The following LHX2 variants were observed in gnomAD, a reference collection of about 807,000 sequenced individuals.
The protein encoded by LHX2 is LIM/homeobox protein Lhx2.
LHX2 carries 6 observed loss-of-function variants against 33.0 expected under a neutral mutation model. That is an observed-to-expected ratio of 0.18 (90% CI 0.10 to 0.36). The LOEUF (loss-of-function observed/expected upper bound fraction) is 0.36, where lower values mean the gene tolerates loss of function less well. LHX2 is among the 10% of genes least tolerant of loss of function. The pLI is 1.00. For missense variants in LHX2, 442 were observed against 586.2 expected (o/e 0.75, Z 2.54); for synonymous variants, 292 against 253.1 (o/e 1.15, Z -1.46).
intron 4 of LHX2, among the ~76,000 whole-genome samples, chr9:124,025,100 G>A (rs1828590149): frequency 6.6e-6 from 1 of 152,210 alleles, no homozygotes; most frequent in Admixed American, 6.5e-5. Context: ...CAGTGGGCAA[G>A]GTGACTAGGA....
Position 124,015,633 on chromosome 9 carries a change from T to A in LHX2, c.727+108T>A. On this transcript the variant is annotated intron_variant, in intron 3 of 4. Transcript: ENST00000373615. This position sits in a 1 kb window ranked among gnomAD's most constrained non-coding sequence, Gnocchi z 7.9. ...TGTGTGCTGGGCAAATAGCGAGCCTTAAGCACCGGACGGCCTCGCAGAAGG... is the reference window on the plus strand; with the variant it reads ...TGTGTGCTGGGCAAATAGCGAGCCTAAAGCACCGGACGGCCTCGCAGAAGG... 1 of 1,248,972 alleles carries A rather than the reference T, an allele frequency of 8.0e-7. No individual in the cohort carries two copies. The highest frequency in any genetic ancestry group is 1.1e-6 in the Non-Finnish European group (1 of 932,396). The allele number at this position is 1,248,972 out of a possible 1,614,324, so 77.4% of individuals were successfully genotyped here. A position where few individuals can be genotyped will look rare whatever the true frequency, so the allele number is the denominator to read the frequency against.
In LHX2 at chr9:124,032,301, G is replaced by C. The variant is rs971590670; in HGVS notation, c.934-119G>C. 2.4e-6 allele frequency: 3 copies of C among 1,247,854 alleles called. No individual in the cohort carries two copies. Among genetic ancestry groups the C allele is most frequent in the Non-Finnish European group, 3.2e-6 (3 of 927,270 alleles). 77.3% of individuals were successfully genotyped at this position (1,247,854 alleles called of 1,614,324 possible). ...AAAATATTGCCAACCTGACTTTTTG[G>C]ATCCTCTTGGCAAAACACAGATCAG... On this transcript the variant is annotated intron_variant, in intron 4 of 4. Coordinates refer to ENST00000373615, the MANE Select transcript of LHX2 (RefSeq NM_004789.4). The surrounding 1 kb of genome is among the most constrained non-coding windows in gnomAD (Gnocchi z 4.1).
At chr9:124,021,057 G>A (rs780422373) in intron 3 of LHX2, 42 bp from the exon 4 acceptor site, 2 of 1,577,756 alleles carry the variant, frequency 1.3e-6, no homozygotes, top group South Asian at 1.1e-5. Flanking sequence ...CATGGGGGGC[G>A]GGTCAGGAAG....
At chr9:124,030,742 C>T (rs1159131104) in intron 4 of LHX2, among the ~76,000 whole-genome samples, 1 of 145,160 alleles carries the variant, frequency 6.9e-6, no homozygotes, top group Non-Finnish European at 1.5e-5. Flanking sequence ...AGCAGTTCTT[C>T]TGTCTCAGCC....
intron 3 of LHX2, among the ~76,000 whole-genome samples, chr9:124,017,773 C>T (rs1859217003): frequency 6.6e-6 from 1 of 151,272 alleles, no homozygotes; most frequent in Admixed American, 6.6e-5. Flanking sequence ...GGGCGCTGGG[C>T]TTACAGCAGA....
chr9:124,015,347 T>C lies in LHX2; in HGVS notation c.549T>C (p.His183=). 1 of 1,611,700 alleles carries C rather than the reference T, an allele frequency of 6.2e-7. No individual in the cohort carries two copies. The highest frequency in any genetic ancestry group is 8.5e-7 in the Non-Finnish European group (1 of 1,178,648). ...LQGEYPAHFN[H]ADVAAAAAAA... is the part of the protein sequence containing the mutation. ...GCGAGTACCCCGCACACTTCAACCA[T>C]GCCGACGTGGCAGCGGCGGCCGCTG... The change falls in exon 3 of 5, where the codon CAT becomes CAC. Residue 183 remains histidine, a synonymous_variant. Transcript: ENST00000373615. The surrounding 1 kb of genome is among the most constrained non-coding windows in gnomAD (Gnocchi z 7.9).
chr9:124,026,268 C>T lies in LHX2; in HGVS notation c.933+4964C>T, dbSNP rs191953127. ...GAGGTCAGGAGTTCAAGACCAGCCT[C>T]ACCAACATGGTGAAACCCGTCTCTA... is the stretch of plus-strand genomic sequence containing the variant. On this transcript the variant is annotated intron_variant, in intron 4 of 4. Transcript: ENST00000373615. 5.9e-5 allele frequency among the ~76,000 whole-genome samples: 9 copies of T among 151,866 alleles called. 1 individual carries two copies. Among genetic ancestry groups the T allele is most frequent in the African/African-American group, 2.2e-4 (9 of 41,410 alleles).
chr9:124,019,619 A>G (rs1373333244), intron 3 of LHX2, among the ~76,000 whole-genome samples: 1 of 152,226 alleles, frequency 6.6e-6, no homozygotes, highest in Non-Finnish European at 1.5e-5. Context: ...TAGTATAGGT[A>G]TGTCCCATGC....
At position 124,015,458 on chromosome 9, in the gene LHX2, G is replaced by A; in HGVS notation, c.660G>A (p.Val220=). Residue 220 remains valine (V), a synonymous_variant, in exon 3 of 5, where the codon GTG becomes GTA. Coordinates refer to ENST00000373615, the MANE Select transcript of LHX2 (RefSeq NM_004789.4). This position sits in a 1 kb window ranked among gnomAD's most constrained non-coding sequence, Gnocchi z 7.9. ...CCTACTACAATGGCGTGGGCACTGT[G>A]CAGAAGGGGCGGCCGAGGAAACGTA... ...GLPYYNGVGT[V]QKGRPRKRKS... 2 of 1,528,678 alleles carry A rather than the reference G, an allele frequency of 1.3e-6. No individual in the cohort carries two copies. The highest frequency in any genetic ancestry group is 1.8e-6 in the Non-Finnish European group (2 of 1,139,864). 94.7% of individuals were successfully genotyped at this position (1,528,678 alleles called of 1,614,324 possible).
At position 124,015,851 on chromosome 9, in the gene LHX2, C is replaced by T. The variant is rs1445667562; in HGVS notation, c.727+326C>T. Among the ~76,000 whole-genome samples the T allele has an allele frequency of 6.6e-6, 1 of 152,238 alleles. No individual in the cohort carries two copies. Among genetic ancestry groups the T allele is most frequent in the African/African-American group, 2.4e-5 (1 of 41,462 alleles). ...GGCAGGGATGGAGAAAGCAAGGCGG[C>T]GCTGACGCCAAACAGGTTTTGGGTT... On this transcript the variant is annotated intron_variant, in intron 3 of 4. Coordinates refer to ENST00000373615, the MANE Select transcript of LHX2 (RefSeq NM_004789.4). This position sits in a 1 kb window ranked among gnomAD's most constrained non-coding sequence, Gnocchi z 7.9.
intron 4 of LHX2, 46 bp downstream of exon 4, chr9:124,021,350 G>A (rs763565225): frequency 3.2e-6 from 5 of 1,580,068 alleles, no homozygotes; most frequent in South Asian, 1.1e-5. Context: ...ACCAGGGACT[G>A]GGGTGGAACC....
intron 4 of LHX2, among the ~76,000 whole-genome samples, chr9:124,024,712 A>T (rs904155311): frequency 2.6e-5 from 4 of 152,236 alleles, no homozygotes; most frequent in African/African-American, 9.6e-5. Flanking sequence ...TTTACACAGT[A>T]CAGTTCATTC....
rs555771263 is a variant in LHX2 at position 124,014,292 on chromosome 9, C to T, written c.323+129C>T. On this transcript the variant is annotated intron_variant, in intron 2 of 4. Transcript: ENST00000373615. The surrounding 1 kb of genome is among the most constrained non-coding windows in gnomAD (Gnocchi z 4.8). ...ACTACTCAGGACTCCCCCGCTCCCC[C>T]CCCAAGTTCTCCAAGCCACCACAAG... 3.2e-6 allele frequency: 2 copies of T among 623,944 alleles called. No homozygotes were observed. Among genetic ancestry groups the T allele is most frequent in the South Asian group, 1.8e-5 (1 of 55,610 alleles). The allele number at this position is 623,944 out of a possible 1,614,324, so 38.7% of individuals were successfully genotyped here. A position where few individuals can be genotyped will look rare whatever the true frequency, so the allele number is the denominator to read the frequency against.
At chr9:124,025,440 C>CA (rs71999375) in intron 4 of LHX2, among the ~76,000 whole-genome samples, 1,318 of 103,464 alleles carry the variant, frequency 0.013, 28 homozygotes, top group African/African-American at 0.041. Flanking sequence ...GACTCTGTCT[C>CA]AAAAAAAAAA....
At position 124,015,315 on chromosome 9, in the gene LHX2, C is replaced by T. The variant is rs1304557881; in HGVS notation, c.517C>T (p.Leu173=). 6.2e-7 allele frequency: 1 copy of T among 1,613,932 alleles called. No homozygotes were observed. Among genetic ancestry groups the T allele is most frequent in the Non-Finnish European group, 8.5e-7 (1 of 1,180,034 alleles). Residue 173 remains leucine (L), a synonymous_variant, in exon 3 of 5, where the codon CTG becomes TTG. Coordinates refer to ENST00000373615, the MANE Select transcript of LHX2 (RefSeq NM_004789.4). The surrounding 1 kb of genome is among the most constrained non-coding windows in gnomAD (Gnocchi z 7.9). ...CTGCCGCTTGCACTTCGAGGCGCTG[C>T]TGCAGGGCGAGTACCCCGCACACTT... ...VYCRLHFEAL[L]QGEYPAHFNH...
chr9:124,030,430 C>A (rs940944860), intron 4 of LHX2, among the ~76,000 whole-genome samples: 1 of 152,208 alleles, frequency 6.6e-6, no homozygotes, highest in Admixed American at 6.5e-5. Flanking sequence ...TTTCCTCACG[C>A]AAAGGGAAGT....
At position 124,015,368 on chromosome 9, in the gene LHX2, C is replaced by A. The variant is rs749600163; in HGVS notation, c.570C>A (p.Ala190=). ...HFNHADVAAA[A]AAAAAAKSAG... The stretch of plus-strand genomic sequence containing the variant: ...ACCATGCCGACGTGGCAGCGGCGGC[C>A]GCTGCAGCCGCGGCGGCCAAGAGCG... Residue 190 remains alanine (A), a synonymous_variant, in exon 3 of 5, where the codon GCC becomes GCA. Coordinates refer to ENST00000373615, the MANE Select transcript of LHX2 (RefSeq NM_004789.4). This position sits in a 1 kb window ranked among gnomAD's most constrained non-coding sequence, Gnocchi z 7.9. 1 of 1,609,778 alleles carries A rather than the reference C, an allele frequency of 6.2e-7. No homozygotes were observed.
At chr9:124,018,920 G>C (rs1361351905) in intron 3 of LHX2, among the ~76,000 whole-genome samples, 1 of 152,120 alleles carries the variant, frequency 6.6e-6, no homozygotes, top group African/African-American at 2.4e-5. Context: ...CAGGTCCCTT[G>C]GGCCCATGGG....
Position 124,014,287 on chromosome 9 carries a change from T to TCC in LHX2, c.323+131_323+132dup, listed in dbSNP as rs369078188. ...GGTTCACTACTCAGGACTCCCCCGC[T>TCC]CCCCCCCCAAGTTCTCCAAGCCACC... On this transcript the variant is annotated intron_variant, in intron 2 of 4. Transcript: ENST00000373615. The surrounding 1 kb of genome is among the most constrained non-coding windows in gnomAD (Gnocchi z 4.8). 57 of 587,676 alleles carry TCC rather than the reference T, an allele frequency of 9.7e-5. No homozygotes were observed. Among genetic ancestry groups the TCC allele is most frequent in the African/African-American group, 7.6e-4 (37 of 48,738 alleles). 36.4% of individuals were successfully genotyped at this position (587,676 alleles called of 1,614,324 possible).
Sources: gnomAD v4.1 joint callset for allele counts (sites outside exome capture counted in the v4.1 genomes callset) on GRCh38, gnomAD v4.1.1 for gene constraint, Gnocchi (gnomAD v3.1) non-coding constraint, MANE v1.5 for transcripts, NCBI Gene and HGNC (gene_info 2026-07-23, HGNC 2026-07-21) for gene names.